Variants in HS3ST2 observed in about 807,000 individuals in gnomAD.
HS3ST2 encodes the protein heparan sulfate glucosamine 3-O-sulfotransferase 2.
A neutral mutation model predicts 26.3 loss-of-function variants in HS3ST2; 17 were observed. That is an observed-to-expected ratio of 0.65 (90% CI 0.44 to 0.97). The LOEUF is 0.97. Ranked by LOEUF, HS3ST2 falls within the 50% of genes least tolerant of loss-of-function variation. The pLI, the probability that HS3ST2 is intolerant of heterozygous loss-of-function variation, is 0.00. For synonymous variants in HS3ST2, 237 were observed against 219.2 expected, an observed-to-expected ratio of 1.08 and a Z score of -0.72; for missense variants, 402 against 501.2, an observed-to-expected ratio of 0.80 and a Z score of 1.89.
chr16:22,830,365 TG>T (rs1421847613), intron 1 of HS3ST2, among the ~76,000 whole-genome samples: 1 of 151,954 alleles, frequency 6.6e-6, no homozygotes, highest in Non-Finnish European at 1.5e-5. Context: ...AAGTCTAACC[TG>T]GAGCATGTGG....
rs1306553083 is a variant in HS3ST2, at chr16:22,814,369, G to T, written c.-242G>T. 21 of 429,934 alleles carry T rather than the reference G, an allele frequency of 4.9e-5. No individual in the cohort carries two copies. The Middle Eastern group carries it at 2.9e-3, about 59-fold the overall frequency. 26.6% of individuals were successfully genotyped at this position (429,934 alleles called of 1,614,324 possible). ...CCGCCCGGCTGCCCGGAGCCCCATCGCCTAGGACCGGGAGATGCTGGAAAT... is the reference window on the plus strand; with the variant it reads ...CCGCCCGGCTGCCCGGAGCCCCATCTCCTAGGACCGGGAGATGCTGGAAAT... On this transcript the variant is annotated 5_prime_UTR_variant, in exon 1 of 2. Transcript: ENST00000261374.
rs921231997 is a variant in HS3ST2 at position 22,916,067 on chromosome 16, G to C, written c.*505G>C. On this transcript the variant is annotated 3_prime_UTR_variant, in exon 2 of 2. Transcript: ENST00000261374. ...CCTCCTCAGACCTTATCAATTCATTGAGAGATTGCAAAGCTGAAAGCACCT... is the reference window on the plus strand; with the variant it reads ...CCTCCTCAGACCTTATCAATTCATTCAGAGATTGCAAAGCTGAAAGCACCT... 6.4e-6 allele frequency: 1 copy of C among 155,710 alleles called. No individual in the cohort carries two copies. Among genetic ancestry groups the C allele is most frequent in the South Asian group, 2.0e-4 (1 of 4,964 alleles). The allele number at this position is 155,710 out of a possible 1,614,324, so 9.6% of individuals were successfully genotyped here.
chr16:22,865,382 G>A (rs1159998895), intron 1 of HS3ST2, among the ~76,000 whole-genome samples: 2 of 151,734 alleles, frequency 1.3e-5, no homozygotes, highest in Non-Finnish European at 2.9e-5. Context: ...GTGAAGCCCC[G>A]TCTCTACTAA....
At chr16:22,848,499 T>C (rs1901476520) in intron 1 of HS3ST2, among the ~76,000 whole-genome samples, 1 of 150,388 alleles carries the variant, frequency 6.6e-6, no homozygotes. Context: ...TAGCTCAAGC[T>C]GAAAAAGAAC....
intron 1 of HS3ST2, among the ~76,000 whole-genome samples, chr16:22,901,571 A>T (rs576836018): frequency 6.6e-6 from 1 of 152,346 alleles, no homozygotes; most frequent in East Asian, 1.9e-4. Context: ...CCACAGAAGA[A>T]GAGATATCCT....
intron 1 of HS3ST2, among the ~76,000 whole-genome samples, chr16:22,855,418 T>C (rs751435548): frequency 1.3e-5 from 2 of 152,106 alleles, no homozygotes; most frequent in African/African-American, 2.4e-5. Context: ...CATGGCAGGT[T>C]TCAAATACCT....
chr16:22,849,611 G>A (rs1901491710), intron 1 of HS3ST2, among the ~76,000 whole-genome samples: 1 of 152,202 alleles, frequency 6.6e-6, no homozygotes, highest in Non-Finnish European at 1.5e-5. Context: ...CCAGTTGAGA[G>A]ACACTTCATC....
At chr16:22,838,805 C>T (rs1901311723) in intron 1 of HS3ST2, among the ~76,000 whole-genome samples, 1 of 152,158 alleles carries the variant, frequency 6.6e-6, no homozygotes, top group Admixed American at 6.5e-5. Flanking sequence ...TAGGTTGTGC[C>T]TTACGACCTC....
chr16:22,876,469 C>T, intron 1 of HS3ST2, among the ~76,000 whole-genome samples: 1 of 152,192 alleles, frequency 6.6e-6, no homozygotes, highest in East Asian at 1.9e-4. Context: ...TATTGGCATG[C>T]ATATTTTTAA....
intron 1 of HS3ST2, among the ~76,000 whole-genome samples, chr16:22,907,411 G>A (rs1902370119): frequency 6.6e-6 from 1 of 152,194 alleles, no homozygotes; most frequent in Non-Finnish European, 1.5e-5. Context: ...AGAATGAATT[G>A]AAATGGGAAA....
At chr16:22,901,549 A>G (rs2188329) in intron 1 of HS3ST2, among the ~76,000 whole-genome samples, 95,315 of 152,020 alleles carry the variant, frequency 0.63, 30,391 homozygotes, top group East Asian at 0.81. Context: ...AGGGAGAGAA[A>G]TTAAGCCCAG....
intron 1 of HS3ST2, among the ~76,000 whole-genome samples, chr16:22,868,147 C>T (rs1284091793): frequency 1.3e-5 from 2 of 152,108 alleles, no homozygotes; most frequent in Non-Finnish European, 2.9e-5. Flanking sequence ...GTGGCCCACA[C>T]CTGTAATCCC....
chr16:22,913,882 A>G (rs959999212), intron 1 of HS3ST2, among the ~76,000 whole-genome samples: 15 of 152,036 alleles, frequency 9.9e-5, no homozygotes, highest in Non-Finnish European at 1.6e-4. Flanking sequence ...TACACCTGTA[A>G]TCCCAGCTGC....
intron 1 of HS3ST2, among the ~76,000 whole-genome samples, chr16:22,888,373 CTTTTTTT>C (rs1165585404): frequency 3.1e-4 from 19 of 61,312 alleles, no homozygotes; most frequent in African/African-American, 5.8e-4. Context: ...TCTGGCTTTT[CTTTTTTT>C]TTTTTTTTTT....
At chr16:22,912,435 A>G (rs1902434932) in intron 1 of HS3ST2, among the ~76,000 whole-genome samples, 1 of 152,190 alleles carries the variant, frequency 6.6e-6, no homozygotes, top group Admixed American at 6.5e-5. Flanking sequence ...AGGATGTGAG[A>G]ATGAATGTTC....
chr16:22,840,632 C>T (rs1357808774), intron 1 of HS3ST2, among the ~76,000 whole-genome samples: 1 of 152,094 alleles, frequency 6.6e-6, no homozygotes, highest in Non-Finnish European at 1.5e-5. Flanking sequence ...TGTCAGGGTG[C>T]ATACAAGAGG....
intron 1 of HS3ST2, among the ~76,000 whole-genome samples, chr16:22,845,498 C>A (rs898432961): frequency 1.3e-5 from 2 of 150,908 alleles, no homozygotes; most frequent in African/African-American, 2.5e-5. Context: ...ATTACAGGCA[C>A]CTGCCACCAT....
At chr16:22,868,854 T>C (rs1269814708) in intron 1 of HS3ST2, among the ~76,000 whole-genome samples, 2 of 152,088 alleles carry the variant, frequency 1.3e-5, no homozygotes, top group African/African-American at 4.8e-5. Context: ...TAATTTCATT[T>C]TTAAAATACA....
chr16:22,882,424 G>A (rs9806846), intron 1 of HS3ST2, among the ~76,000 whole-genome samples: 11,475 of 152,040 alleles, frequency 0.075, 533 homozygotes, highest in African/African-American at 0.11. Flanking sequence ...GTGAGGGAGT[G>A]AACTTAGCTG....
Sources: allele counts gnomAD v4.1 joint callset (sites outside exome capture counted in the v4.1 genomes callset), GRCh38; gene constraint gnomAD v4.1.1; transcripts MANE v1.5; gene names NCBI Gene and HGNC (gene_info 2026-07-23, HGNC 2026-07-21).